Variants in NRIP1 observed in about 807,000 individuals in gnomAD.
NRIP1 encodes nuclear receptor-interacting protein 1.
NRIP1 carries 28 observed loss-of-function variants against 75.0 expected under a neutral mutation model. The observed-to-expected ratio is 0.37, with a 90% CI of 0.28 to 0.51. The LOEUF is 0.51. Ranked by LOEUF, NRIP1 falls within the 20% of genes least tolerant of loss-of-function variation. The pLI is 0.92. For synonymous variants in NRIP1, 526 were observed against 487.6 expected, an observed-to-expected ratio of 1.08 and a Z score of -1.04; for missense variants, 1,435 against 1,343.7, an observed-to-expected ratio of 1.07 and a Z score of -1.06.
chr21:14,987,191 C>G (rs758902135), intron 3 of NRIP1, among the ~76,000 whole-genome samples: 11 of 152,318 alleles, frequency 7.2e-5, no homozygotes, highest in Admixed American at 2.0e-4. Context: ...AAGTTGGCTA[C>G]TCTTGAAAGT....
chr21:14,970,556 A>C (rs974161935), intron 3 of NRIP1, among the ~76,000 whole-genome samples: 1 of 152,138 alleles, frequency 6.6e-6, no homozygotes, highest in African/African-American at 2.4e-5. Context: ...AAAACAAACA[A>C]AACAAAAATA....
chr21:15,052,738 A>G (rs1199999360), intron 1 of NRIP1, among the ~76,000 whole-genome samples: 1 of 152,196 alleles, frequency 6.6e-6, no homozygotes, highest in Non-Finnish European at 1.5e-5. Flanking sequence ...ACACAATGAA[A>G]AACACTTCCT....
intron 2 of NRIP1, among the ~76,000 whole-genome samples, chr21:15,042,895 T>A (rs953692432): frequency 6.6e-6 from 1 of 152,218 alleles, no homozygotes; most frequent in Non-Finnish European, 1.5e-5. Flanking sequence ...TCCTTCCTAG[T>A]AATATGTCAC....
intron 3 of NRIP1, among the ~76,000 whole-genome samples, chr21:14,985,368 G>A (rs1205512116): frequency 6.6e-6 from 1 of 152,058 alleles, no homozygotes; most frequent in Non-Finnish European, 1.5e-5. Flanking sequence ...TAATAAAAAG[G>A]CACAAAATTA....
chr21:14,977,711 T>C (rs1291996358), intron 3 of NRIP1, among the ~76,000 whole-genome samples: 1 of 152,200 alleles, frequency 6.6e-6, no homozygotes, highest in Admixed American at 6.5e-5. Context: ...TCTAATTACT[T>C]GAAAAAAATG....
chr21:15,007,671 C>T (rs978458476), intron 3 of NRIP1, among the ~76,000 whole-genome samples: 3 of 152,128 alleles, frequency 2.0e-5, no homozygotes, highest in Non-Finnish European at 2.9e-5. Context: ...AGTGTGAGAG[C>T]GTATTTCCCT....
rs1487335283 is a variant in NRIP1 at position 14,967,917 on chromosome 21, G to A, written c.276C>T (p.Asp92=). Residue 92 remains aspartate, a synonymous_variant, in exon 4 of 4, where the codon GAC becomes GAT. Coordinates refer to ENST00000318948, the MANE Select transcript of NRIP1 (RefSeq NM_003489.4). ...KKARLLQSSE[D]WNAAKRKRLS... is the part of the protein sequence containing the mutation. ...GCCTCTTCCGCTTTGCTGCATTCCA[G>A]TCCTCAGAAGACTGCAACAGTCTGG... 5.0e-6 allele frequency: 8 copies of A among 1,614,000 alleles called. No homozygotes were observed. The highest frequency in any genetic ancestry group is 4.2e-6 in the Non-Finnish European group (5 of 1,180,036).
At chr21:15,004,738 C>T (rs372281228) in intron 3 of NRIP1, among the ~76,000 whole-genome samples, 1 of 152,092 alleles carries the variant, frequency 6.6e-6, no homozygotes, top group Non-Finnish European at 1.5e-5. Context: ...GATGGTCTTC[C>T]TACATCAGTT....
In NRIP1 at chr21:14,966,374, C is replaced by A; in HGVS notation, c.1819G>T (p.Asp607Tyr). Residue 607 changes from aspartate to tyrosine, a missense_variant, in exon 4 of 4, where the codon GAC becomes TAC. By Grantham distance (160) the Asp-to-Tyr change is radical. Coordinates refer to ENST00000318948, the MANE Select transcript of NRIP1 (RefSeq NM_003489.4). ...TGGGCTGGTTTCTCTCCTGGTGGGT[C>A]TTTGCTTTTTGTAAGGTCCATTGAG... ...NHSMDLTKSK[D>Y]PPGEKPAQNE... 6.2e-7 allele frequency: 1 copy of A among 1,613,920 alleles called. No individual in the cohort carries two copies. The highest frequency in any genetic ancestry group is 8.5e-7 in the Non-Finnish European group (1 of 1,179,958).
At chr21:15,020,890 A>G (rs78142300) in intron 2 of NRIP1, among the ~76,000 whole-genome samples, 3 of 151,980 alleles carry the variant, frequency 2.0e-5, no homozygotes, top group Admixed American at 6.6e-5. Context: ...AAAAAAAAAA[A>G]GACTGAAAAA....
chr21:15,047,359 G>A (rs1033292657), intron 1 of NRIP1, among the ~76,000 whole-genome samples: 2 of 152,130 alleles, frequency 1.3e-5, no homozygotes, highest in Non-Finnish European at 2.9e-5. Context: ...GGCTAACATG[G>A]TGAAACCCCA....
Position 14,966,409 on chromosome 21 carries a change from G to T in NRIP1, c.1784C>A (p.Ala595Glu). The change falls in exon 4 of 4, where the codon GCA (alanine) becomes GAA (glutamate). Residue 595 changes from alanine to glutamate, a missense_variant. Coordinates refer to ENST00000318948, the MANE Select transcript of NRIP1 (RefSeq NM_003489.4). ...STQSEKLTNT[A>E]SNHSMDLTKS... The stretch of plus-strand genomic sequence containing the variant: ...TGTAAGGTCCATTGAGTGGTTAGAT[G>T]CAGTATTTGTTAGCTTTTCAGACTG... 1 of 1,614,048 alleles carries T rather than the reference G, an allele frequency of 6.2e-7. No individual in the cohort carries two copies. The highest frequency in any genetic ancestry group is 8.5e-7 in the Non-Finnish European group (1 of 1,179,950).
At chr21:15,050,794 G>C (rs755055800) in intron 1 of NRIP1, 1 of 456,036 alleles carries the variant, frequency 2.2e-6, no homozygotes. Flanking sequence ...AGGACTCAGC[G>C]TGCCTTTCAC....
At chr21:14,996,848 A>G (rs1395485604) in intron 3 of NRIP1, among the ~76,000 whole-genome samples, 1 of 151,780 alleles carries the variant, frequency 6.6e-6, no homozygotes, top group African/African-American at 2.4e-5. Context: ...ATAAATATAT[A>G]TAATTATTTA....
chr21:15,050,579 T>C (rs1457576925), intron 1 of NRIP1: 2 of 366,548 alleles, frequency 5.5e-6, no homozygotes, highest in African/African-American at 4.3e-5. Context: ...ACTTAACAAC[T>C]TTCAATGAAG....
chr21:15,030,604 T>A (rs1278821023), intron 2 of NRIP1, among the ~76,000 whole-genome samples: 1 of 152,180 alleles, frequency 6.6e-6, no homozygotes, highest in Non-Finnish European at 1.5e-5. Flanking sequence ...GCAGTACAAA[T>A]ATAGAGTTCT....
intron 2 of NRIP1, among the ~76,000 whole-genome samples, chr21:15,030,222 G>C (rs1470633746): frequency 6.6e-6 from 1 of 152,200 alleles, no homozygotes; most frequent in Non-Finnish European, 1.5e-5. Context: ...ACACTAATAA[G>C]ATCATTATGA....
chr21:15,055,197 T>C (rs903388977), intron 1 of NRIP1, among the ~76,000 whole-genome samples: 2 of 152,316 alleles, frequency 1.3e-5, no homozygotes, highest in Non-Finnish European at 2.9e-5. Flanking sequence ...CTTTGAGATA[T>C]GTTTCCAGTT....
intron 2 of NRIP1, among the ~76,000 whole-genome samples, chr21:15,022,788 C>T (rs1001549518): frequency 6.6e-6 from 1 of 152,112 alleles, no homozygotes; most frequent in Non-Finnish European, 1.5e-5. Context: ...CGACGTGACC[C>T]AGGAATTCCA....
Sources: allele counts gnomAD v4.1 joint callset (sites outside exome capture counted in the v4.1 genomes callset), GRCh38; gene constraint gnomAD v4.1.1; transcripts MANE v1.5; gene names NCBI Gene and HGNC (gene_info 2026-07-23, HGNC 2026-07-21).